Variants in SLC41A3 observed in about 807,000 individuals in gnomAD.
SLC41A3 encodes SLC41A1-like 2.
A neutral mutation model predicts 45.4 loss-of-function variants in SLC41A3; 44 were observed. The ratio of observed to expected loss-of-function variants is 0.97; its 90% CI spans 0.76 to 1.25. The LOEUF is 1.25. Among genes scored for constraint, SLC41A3 ranks in the 50% most tolerant of loss-of-function variants. The pLI is 0.00. For synonymous variants in SLC41A3, 256 were observed against 252.4 expected (o/e 1.01, Z -0.13); for missense variants, 550 against 600.6 (o/e 0.92, Z 0.88).
chr3:126,013,614 C>T (rs1939951509), intron 8 of SLC41A3, among the ~76,000 whole-genome samples: 1 of 151,696 alleles, frequency 6.6e-6, no homozygotes, highest in South Asian at 2.1e-4. Context: ...GAGATGATCA[C>T]AGGCAGGTGG....
At chr3:126,037,414 A>G (rs1271050911) in intron 3 of SLC41A3, among the ~76,000 whole-genome samples, 1 of 152,218 alleles carries the variant, frequency 6.6e-6, no homozygotes, top group East Asian at 1.9e-4. Flanking sequence ...AGATATGGAC[A>G]GAGAAGGCCA....
intron 3 of SLC41A3, among the ~76,000 whole-genome samples, chr3:126,043,510 T>C (rs1942728894): frequency 6.6e-6 from 1 of 152,064 alleles, no homozygotes; most frequent in Non-Finnish European, 1.5e-5. Flanking sequence ...TTGTATTATT[T>C]TAAAATTGGT....
chr3:126,063,949 A>ACCCCCCCCCCCC lies in SLC41A3; in HGVS notation c.273+3997_273+3998insGGGGGGGGGGGG, dbSNP rs56806357. ...ACAGGCACTGATTAAGCCAGATCCA[A>ACCCCCCCCCCCC]CCCCCCCCCGGGGACACACACTCCC... On this transcript the variant is annotated intron_variant, in intron 2 of 10. Transcript: ENST00000360370. Among the ~76,000 whole-genome samples, 73 of 101,888 alleles carry ACCCCCCCCCCCC rather than the reference A, an allele frequency of 7.2e-4. 6 individuals are homozygous for ACCCCCCCCCCCC. Among genetic ancestry groups the ACCCCCCCCCCCC allele is most frequent in the Non-Finnish European group, 9.7e-4 (46 of 47,576 alleles). The allele number at this position is 101,888 out of a possible 152,430, so 66.8% of individuals were successfully genotyped here. A position where few individuals can be genotyped will look rare whatever the true frequency, so the allele number is the denominator to read the frequency against.
intron 6 of SLC41A3, among the ~76,000 whole-genome samples, chr3:126,021,603 TC>T (rs1940887406): frequency 1.3e-5 from 2 of 152,146 alleles, no homozygotes; most frequent in Non-Finnish European, 2.9e-5. Context: ...GCTCTGGGGT[TC>T]CTCCCTTCTC....
Position 126,026,432 on chromosome 3 carries a change from C to G in SLC41A3, c.501G>C (p.Leu167=), listed in dbSNP as rs775343664. The G allele has an allele frequency of 5.6e-6, 9 of 1,599,402 alleles. No individual in the cohort carries two copies. Among genetic ancestry groups the G allele is most frequent in the Middle Eastern group, 1.7e-4 (1 of 6,042 alleles). Residue 167 remains leucine (L), a synonymous_variant, in exon 5 of 11, where the codon CTG becomes CTC. Transcript: ENST00000360370. The surrounding 1 kb of genome is among the most constrained non-coding windows in gnomAD (Gnocchi z 4.2). ...CTTCCTCTCGAGACACCACGCCCAA[C>G]AGCAGCGCAGCCACAGCAGCCAAGA... ...VGLLAAVAAL[L]LGVVSREEVD...
chr3:126,065,443 C>T (rs1944300373), intron 2 of SLC41A3, among the ~76,000 whole-genome samples: 1 of 152,224 alleles, frequency 6.6e-6, no homozygotes, highest in South Asian at 2.1e-4. Context: ...AATGTTTGCA[C>T]TGAACTGAAC....
At position 126,046,998 on chromosome 3, in the gene SLC41A3, A is replaced by G. The variant is rs996453802; in HGVS notation, c.381+3945T>C. ...AAAAAGAAAAGAAAAGAAAGATGTC[A>G]ATACTAGCTGAAGAATCTACAAATT... On this transcript the variant is annotated intron_variant, in intron 3 of 10. Coordinates refer to ENST00000360370, the MANE Select transcript of SLC41A3 (RefSeq NM_017836.4). Among the ~76,000 whole-genome samples the G allele has an allele frequency of 5.9e-5, 9 of 151,656 alleles. 1 individual carries two copies. Among genetic ancestry groups the G allele is most frequent in the Admixed American group, 5.3e-4 (8 of 15,230 alleles).
upstream of SLC41A3, chr3:126,085,397 G>A (rs550942925): frequency 2.0e-5 from 3 of 152,136 alleles, no homozygotes; most frequent in African/African-American, 7.2e-5. Context: ...CCCAGCGTGG[G>A]GCCTCAGAGA....
intron 3 of SLC41A3, 183 bp downstream of exon 3, chr3:126,050,760 A>G: frequency 9.2e-7 from 1 of 1,086,872 alleles, no homozygotes; most frequent in Non-Finnish European, 1.2e-6. Context: ...CCAGTTTGGT[A>G]GTGGAAAGCC....
intron 3 of SLC41A3, among the ~76,000 whole-genome samples, chr3:126,039,934 C>A (rs1942470264): frequency 6.6e-6 from 1 of 152,216 alleles, no homozygotes; most frequent in African/African-American, 2.4e-5. Flanking sequence ...GCAACAAGTA[C>A]ACCCACTGCC....
intron 2 of SLC41A3, among the ~76,000 whole-genome samples, chr3:126,063,705 T>C (rs1944189925): frequency 6.6e-6 from 1 of 152,218 alleles, no homozygotes; most frequent in Non-Finnish European, 1.5e-5. Context: ...CAGTCACTCC[T>C]GATCCTCTCT....
intron 1 of SLC41A3, among the ~76,000 whole-genome samples, chr3:126,096,561 G>A (rs1021179681): frequency 3.3e-5 from 5 of 152,246 alleles, no homozygotes; most frequent in African/African-American, 1.2e-4. Context: ...CTGCTTAAAG[G>A]CGTTCTTAAA....
At chr3:126,092,159 C>T (rs1468059444) in intron 1 of SLC41A3, among the ~76,000 whole-genome samples, 1 of 152,238 alleles carries the variant, frequency 6.6e-6, no homozygotes, top group Non-Finnish European at 1.5e-5. Flanking sequence ...TAAACAAAAT[C>T]TCTGCAGCAC....
chr3:126,040,588 T>C (rs1942523008), intron 3 of SLC41A3, among the ~76,000 whole-genome samples: 1 of 152,054 alleles, frequency 6.6e-6, no homozygotes, highest in South Asian at 2.1e-4. Context: ...GCTTGGTTTG[T>C]GCCAAGAATG....
At chr3:126,054,346 T>C (rs923545828) in intron 2 of SLC41A3, among the ~76,000 whole-genome samples, 2 of 152,202 alleles carry the variant, frequency 1.3e-5, no homozygotes, top group African/African-American at 4.8e-5. Flanking sequence ...CAAAGGCCCC[T>C]GTACCTTGAG....
chr3:126,093,729 T>C (rs891233836), intron 1 of SLC41A3, among the ~76,000 whole-genome samples: 11 of 152,220 alleles, frequency 7.2e-5, no homozygotes, highest in Non-Finnish European at 1.6e-4. Flanking sequence ...CAGCTCCTGA[T>C]TGTGCCATAT....
At position 126,006,578 on chromosome 3, in the gene SLC41A3, C is replaced by A. The variant is rs759530260; in HGVS notation, c.*438G>T. On this transcript the variant is annotated 3_prime_UTR_variant, in exon 11 of 11. Coordinates refer to ENST00000360370, the MANE Select transcript of SLC41A3 (RefSeq NM_017836.4). Reference sequence around the variant, plus strand: ...CGGAGCTTGAACCTGGTGAAGACAGCAAGTAAGCCACAGCTCAAGAGTTCT... The same window carrying A: ...CGGAGCTTGAACCTGGTGAAGACAGAAAGTAAGCCACAGCTCAAGAGTTCT... The A allele has an allele frequency of 6.3e-7, 1 of 1,589,034 alleles. No homozygotes were observed. Among genetic ancestry groups the A allele is most frequent in the Admixed American group, 1.9e-5 (1 of 51,472 alleles).
At chr3:126,037,738 G>A (rs1942304640) in intron 3 of SLC41A3, among the ~76,000 whole-genome samples, 1 of 152,234 alleles carries the variant, frequency 6.6e-6, no homozygotes, top group Non-Finnish European at 1.5e-5. Context: ...GCCTGGTCCT[G>A]TGGTAGAAAA....
At chr3:126,075,439 C>CT (rs35369542) in intron 1 of SLC41A3, among the ~76,000 whole-genome samples, 94,849 of 147,174 alleles carry the variant, frequency 0.64, 30,704 homozygotes, top group Middle Eastern at 0.71. Flanking sequence ...TTCCAGTGGT[C>CT]TTTTTTTTTT....
Sources: allele counts gnomAD v4.1 joint callset (sites outside exome capture counted in the v4.1 genomes callset), GRCh38; gene constraint gnomAD v4.1.1; non-coding constraint Gnocchi (gnomAD v3.1); transcripts MANE v1.5; gene names NCBI Gene and HGNC (gene_info 2026-07-23, HGNC 2026-07-21).